Variants in ACBD6 observed in about 807,000 individuals in gnomAD.
ACBD6 encodes the protein acyl-CoA-binding domain-containing protein 6.
A neutral mutation model predicts 37.2 loss-of-function variants in ACBD6; 28 were observed. The observed-to-expected ratio is 0.75, with a 90% CI of 0.56 to 1.03. ACBD6 has a LOEUF of 1.03. ACBD6 is among the 50% of genes least tolerant of loss of function. The pLI, the probability that ACBD6 is intolerant of heterozygous loss-of-function variation, is 0.00. For synonymous variants in ACBD6, 113 were observed against 126.8 expected (o/e 0.89, Z 0.73); for missense variants, 340 against 337.4 (o/e 1.01, Z -0.06).
At chr1:180,311,278 G>A (rs531734782) in intron 7 of ACBD6, among the ~76,000 whole-genome samples, 6 of 152,240 alleles carry the variant, frequency 3.9e-5, no homozygotes, top group Non-Finnish European at 7.4e-5. Flanking sequence ...ACAAAAACAT[G>A]AAGCTCATGC....
At chr1:180,291,012 T>C (rs571140647) in intron 7 of ACBD6, among the ~76,000 whole-genome samples, 2 of 152,234 alleles carry the variant, frequency 1.3e-5, no homozygotes, top group Non-Finnish European at 1.5e-5. Context: ...TCATATAGCA[T>C]AGTCTTTTGT....
chr1:180,431,726 A>G (rs533695592), intron 3 of ACBD6, among the ~76,000 whole-genome samples: 83 of 152,164 alleles, frequency 5.5e-4, no homozygotes, highest in Non-Finnish European at 1.0e-3. Flanking sequence ...GCTCGAGATG[A>G]TAACTAAATA....
intron 3 of ACBD6, among the ~76,000 whole-genome samples, chr1:180,442,205 G>C (rs1193721263): frequency 1.3e-5 from 2 of 151,684 alleles, no homozygotes; most frequent in Non-Finnish European, 2.9e-5. Flanking sequence ...GTTATGTATT[G>C]TATGGTTTCA....
intron 3 of ACBD6, among the ~76,000 whole-genome samples, chr1:180,446,257 C>T (rs1408792075): frequency 1.3e-5 from 2 of 151,784 alleles, no homozygotes; most frequent in African/African-American, 2.4e-5. Flanking sequence ...AAGCGATCTA[C>T]CCACCTCAGC....
chr1:180,411,708 C>G (rs547339348), intron 5 of ACBD6, among the ~76,000 whole-genome samples: 3 of 152,292 alleles, frequency 2.0e-5, no homozygotes, highest in Admixed American at 1.3e-4. Context: ...CTCTGTTGCC[C>G]AGGCTGGAGT....
chr1:180,369,096 C>T (rs960698328), intron 6 of ACBD6, among the ~76,000 whole-genome samples: 5 of 152,158 alleles, frequency 3.3e-5, no homozygotes, highest in African/African-American at 1.2e-4. Context: ...AACCTTTAGG[C>T]ATCTCTGTAG....
intron 3 of ACBD6, among the ~76,000 whole-genome samples, chr1:180,484,881 T>C (rs1651198479): frequency 6.6e-6 from 1 of 151,876 alleles, no homozygotes. Context: ...CTGGCCAACA[T>C]GGTGAAACCC....
rs540968704 is a variant in ACBD6 at position 180,294,333 on chromosome 1, G to A, written c.695-5816C>T. 1.9e-3 allele frequency among the ~76,000 whole-genome samples: 281 copies of A among 151,530 alleles called. 1 individual carries two copies. The highest frequency in any genetic ancestry group is 3.6e-3 in the Non-Finnish European group (242 of 67,866). ...GCAGGCAGATTGCCTGAGGTCAGGA[G>A]TTTGAGACCAGCCTGGGCAACATGG... On this transcript the variant is annotated intron_variant, in intron 7 of 7. Transcript: ENST00000367595.
chr1:180,282,645 T>C (rs1275700254), intron 8 of ACBD6, among the ~76,000 whole-genome samples: 1 of 152,188 alleles, frequency 6.6e-6, no homozygotes, highest in Non-Finnish European at 1.5e-5. Context: ...GCTTAGGGAA[T>C]TGAAAGTCAC....
chr1:180,496,180 C>G (rs930353968), intron 1 of ACBD6, among the ~76,000 whole-genome samples: 1 of 152,124 alleles, frequency 6.6e-6, no homozygotes, highest in Non-Finnish European at 1.5e-5. Flanking sequence ...AGTTAAACTG[C>G]ACAGTGAAAT....
chr1:180,330,279 G>A (rs974013668), intron 6 of ACBD6, among the ~76,000 whole-genome samples: 2 of 150,428 alleles, frequency 1.3e-5, no homozygotes, highest in African/African-American at 4.9e-5. Context: ...TTAAAGCCAG[G>A]TGTGGCGGTG....
Position 180,492,260 on chromosome 1 carries a change from A to T in ACBD6, c.384+9T>A. 6.3e-7 allele frequency: 1 copy of T among 1,596,572 alleles called. No individual in the cohort carries two copies. The highest frequency in any genetic ancestry group is 8.6e-7 in the Non-Finnish European group (1 of 1,164,082). ...TTGGAAAGTATTATTTATAATCATT[A>T]AGTCTTACCTGAGGATTCCAACCTG... On this transcript the variant is annotated intron_variant, in intron 3 of 7. Transcript: ENST00000367595.
intron 2 of ACBD6, among the ~76,000 whole-genome samples, chr1:180,495,162 T>TA (rs1156557727): frequency 6.6e-6 from 1 of 152,144 alleles, no homozygotes; most frequent in African/African-American, 2.4e-5. Context: ...GGTGATCCAT[T>TA]AGGGGTTGAA....
intron 7 of ACBD6, among the ~76,000 whole-genome samples, chr1:180,301,856 T>C (rs1380683831): frequency 2.0e-5 from 3 of 152,134 alleles, no homozygotes; most frequent in Non-Finnish European, 2.9e-5. Flanking sequence ...CTCACTGTAA[T>C]AGCAACAGGA....
intron 5 of ACBD6, among the ~76,000 whole-genome samples, chr1:180,410,651 C>T (rs911512937): frequency 6.6e-6 from 1 of 150,980 alleles, no homozygotes. Flanking sequence ...ACTGTTGATA[C>T]CCACTGCTCA....
intron 6 of ACBD6, among the ~76,000 whole-genome samples, chr1:180,354,342 TATTC>T (rs1407888063): frequency 2.0e-5 from 3 of 152,250 alleles, no homozygotes; most frequent in Admixed American, 2.0e-4. Flanking sequence ...TACTGTAATT[TATTC>T]ATAACTATTT....
intron 3 of ACBD6, among the ~76,000 whole-genome samples, chr1:180,456,168 C>T (rs1173910045): frequency 6.8e-6 from 1 of 147,694 alleles, no homozygotes; most frequent in Non-Finnish European, 1.5e-5. Context: ...GCCAAGATTG[C>T]ACCACTGCTC....
intron 6 of ACBD6, among the ~76,000 whole-genome samples, chr1:180,371,615 G>C (rs1260267615): frequency 2.6e-5 from 4 of 152,056 alleles, no homozygotes; most frequent in Non-Finnish European, 2.9e-5. Flanking sequence ...GATATACAAA[G>C]TAAGCTCACC....
chr1:180,339,559 C>T (rs1187627208), intron 6 of ACBD6, among the ~76,000 whole-genome samples: 2 of 151,894 alleles, frequency 1.3e-5, no homozygotes, highest in African/African-American at 2.4e-5. Context: ...GGAGGGATAG[C>T]GTTAGGAGAT....
Sources: allele counts gnomAD v4.1 joint callset (sites outside exome capture counted in the v4.1 genomes callset), GRCh38; gene constraint gnomAD v4.1.1; transcripts MANE v1.5; gene names NCBI Gene and HGNC (gene_info 2026-07-23, HGNC 2026-07-21).